Variants in CAMTA1 observed in about 807,000 individuals in gnomAD.
CAMTA1 encodes the protein calmodulin-binding transcription activator 1.
In CAMTA1, 27 loss-of-function variants were observed where a neutral mutation model predicts 170.9. The ratio of observed to expected loss-of-function variants is 0.16; its 90% confidence interval spans 0.12 to 0.22. CAMTA1 has a LOEUF of 0.22. CAMTA1 is among the 10% of genes least tolerant of loss of function. CAMTA1 has a pLI of 1.00. For synonymous variants in CAMTA1, 833 were observed against 891.5 expected, an observed-to-expected ratio of 0.93 and a Z score of 1.17; for missense variants, 1,619 against 2,217.2, an observed-to-expected ratio of 0.73 and a Z score of 5.42.
chr1:7,664,545 C>A lies in CAMTA1; in HGVS notation c.1998C>A (p.Ile666=). Reference sequence around the variant, plus strand: ...GCAGCGGTCACGTGGAGACGCGGATCGAGTCCACTTCCTCCCTCCACCTCA... The same window carrying A: ...GCAGCGGTCACGTGGAGACGCGGATAGAGTCCACTTCCTCCCTCCACCTCA... The part of the protein sequence containing the change: ...SSCSGHVETR[I]ESTSSLHLMQ... Residue 666 remains isoleucine (I), a synonymous_variant, in exon 9 of 23, where the codon ATC becomes ATA. Transcript: ENST00000303635. 1.2e-6 allele frequency: 2 copies of A among 1,613,218 alleles called. No homozygotes were observed. Among genetic ancestry groups the A allele is most frequent in the Non-Finnish European group, 1.7e-6 (2 of 1,180,050 alleles).
At chr1:7,287,469 T>C (rs376457469) in intron 5 of CAMTA1, among the ~76,000 whole-genome samples, 1 of 152,186 alleles carries the variant, frequency 6.6e-6, no homozygotes, top group Non-Finnish European at 1.5e-5. Context: ...TCCTCTACCT[T>C]TCTCCCTTTC....
intron 5 of CAMTA1, among the ~76,000 whole-genome samples, chr1:7,402,507 C>T (rs540460034): frequency 1.3e-5 from 2 of 152,182 alleles, no homozygotes; most frequent in African/African-American, 4.8e-5. Flanking sequence ...AAAATATGAA[C>T]GTGAGGAGGG....
At chr1:6,982,360 G>C (rs936568430) in intron 3 of CAMTA1, among the ~76,000 whole-genome samples, 5 of 152,190 alleles carry the variant, frequency 3.3e-5, no homozygotes, top group Non-Finnish European at 4.4e-5. Flanking sequence ...CCCAGGAAGT[G>C]ACATTTCCCT....
chr1:7,020,608 G>A (rs1172259842), intron 3 of CAMTA1, among the ~76,000 whole-genome samples: 1 of 152,202 alleles, frequency 6.6e-6, no homozygotes, highest in Admixed American at 6.5e-5. Flanking sequence ...ACCCCCTACT[G>A]TAGGCTGAGG....
intron 5 of CAMTA1, among the ~76,000 whole-genome samples, chr1:7,263,368 G>A (rs1048457959): frequency 4.6e-5 from 7 of 152,182 alleles, no homozygotes; most frequent in Admixed American, 1.3e-4. Context: ...AACAGAGCTC[G>A]GGGGTAGGGA....
intron 5 of CAMTA1, among the ~76,000 whole-genome samples, chr1:7,279,181 C>T (rs1446282229): frequency 6.6e-6 from 1 of 152,148 alleles, no homozygotes; most frequent in Non-Finnish European, 1.5e-5. Flanking sequence ...TGGAATGTAA[C>T]CTGAGAACGA....
intron 5 of CAMTA1, among the ~76,000 whole-genome samples, chr1:7,424,649 C>T (rs1408564572): frequency 1.3e-5 from 2 of 152,164 alleles, no homozygotes; most frequent in Non-Finnish European, 2.9e-5. Context: ...TAAACCCTCT[C>T]CTTCCTTCCT....
chr1:6,883,092 C>G lies in CAMTA1; in HGVS notation c.234+57882C>G, dbSNP rs146630156. Among the ~76,000 whole-genome samples, 556 of 152,056 alleles carry G rather than the reference C, an allele frequency of 3.7e-3. 4 individuals are homozygous for G. The highest frequency in any genetic ancestry group is 0.012 in the African/African-American group (488 of 41,486). ...TATTTTTAGTAGAGATGGGGTTTTG[C>G]TGGGTTGGCCAGGCTGGTCTCGATC... On this transcript the variant is annotated intron_variant, in intron 3 of 22. Transcript: ENST00000303635.
chr1:6,832,996 G>A (rs1651071290), intron 3 of CAMTA1, among the ~76,000 whole-genome samples: 1 of 152,194 alleles, frequency 6.6e-6, no homozygotes, highest in Non-Finnish European at 1.5e-5. Flanking sequence ...AGATCAGGCA[G>A]CCTGTGTCAA....
At chr1:6,803,734 A>G (rs993857830) in intron 1 of CAMTA1, among the ~76,000 whole-genome samples, 4 of 152,202 alleles carry the variant, frequency 2.6e-5, no homozygotes, top group African/African-American at 9.6e-5. Flanking sequence ...ATTTCTTTTT[A>G]AAGATGGTCT....
intron 4 of CAMTA1, among the ~76,000 whole-genome samples, chr1:7,207,186 C>T (rs1350813881): frequency 6.6e-6 from 1 of 152,186 alleles, no homozygotes; most frequent in African/African-American, 2.4e-5. Context: ...GTACCTGACA[C>T]TTTACTAGGC....
chr1:7,754,410 G>A (rs549264622), intron 21 of CAMTA1, among the ~76,000 whole-genome samples: 4 of 152,152 alleles, frequency 2.6e-5, no homozygotes, highest in Admixed American at 1.3e-4. Flanking sequence ...GAGCAAAATT[G>A]CATAAAGTCC....
chr1:6,878,887 C>T (rs527469857), intron 3 of CAMTA1, among the ~76,000 whole-genome samples: 3 of 152,286 alleles, frequency 2.0e-5, no homozygotes, highest in East Asian at 1.9e-4. Context: ...AGCTGTGCAA[C>T]GGGATTACAT....
chr1:7,267,833 C>T (rs1407608976), intron 5 of CAMTA1, among the ~76,000 whole-genome samples: 2 of 152,120 alleles, frequency 1.3e-5, no homozygotes, highest in Non-Finnish European at 2.9e-5. Context: ...ATGCATGTTC[C>T]CCTGCCCCTC....
rs528813933 is a variant in CAMTA1 at position 7,673,576 on chromosome 1, C to A, written c.2779+2539C>A. Among the ~76,000 whole-genome samples the A allele has an allele frequency of 2.5e-4, 38 of 152,292 alleles. No individual in the cohort carries two copies. The highest frequency in any genetic ancestry group is 2.4e-3 in the Admixed American group (37 of 15,302). ...AGAGTCTCTGCCCAGGCCACTCACC[C>A]TCCTAGCTGTTCAGGCTCATTATAT... On this transcript the variant is annotated intron_variant, in intron 10 of 22. Transcript: ENST00000303635. The surrounding 1 kb of genome is among the most constrained non-coding windows in gnomAD (Gnocchi z 4.6).
intron 6 of CAMTA1, among the ~76,000 whole-genome samples, chr1:7,581,300 T>C (rs2095258522): frequency 6.6e-6 from 1 of 152,264 alleles, no homozygotes; most frequent in Admixed American, 6.5e-5. Context: ...TGCAGCAACG[T>C]TCTCTGAATT....
At chr1:6,916,318 A>G (rs562452609) in intron 3 of CAMTA1, among the ~76,000 whole-genome samples, 1 of 152,208 alleles carries the variant, frequency 6.6e-6, no homozygotes, top group Admixed American at 6.5e-5. Context: ...GGACACTAAG[A>G]CGATGGCCAA....
At chr1:7,322,198 T>G (rs1427502310) in intron 5 of CAMTA1, among the ~76,000 whole-genome samples, 3 of 152,250 alleles carry the variant, frequency 2.0e-5, no homozygotes, top group Non-Finnish European at 4.4e-5. Flanking sequence ...TAACCTGCTT[T>G]GCATCTCTGC....
At chr1:7,733,617 G>C (rs573911488) in intron 12 of CAMTA1, among the ~76,000 whole-genome samples, 1 of 152,020 alleles carries the variant, frequency 6.6e-6, no homozygotes, top group East Asian at 1.9e-4. Context: ...GGGGACCCTA[G>C]AGATAAATTT....
Sources: allele counts gnomAD v4.1 joint callset (sites outside exome capture counted in the v4.1 genomes callset), GRCh38; gene constraint gnomAD v4.1.1; non-coding constraint Gnocchi (gnomAD v3.1); transcripts MANE v1.5; gene names NCBI Gene and HGNC (gene_info 2026-07-23, HGNC 2026-07-21).